TTN: variants seen among roughly 807,000 people sequenced by gnomAD.
TTN encodes the protein connectin.
A neutral mutation model predicts 3,223.0 loss-of-function variants in TTN; 1,525 were observed. That is an observed-to-expected ratio of 0.47 (90% confidence interval 0.45 to 0.49). The LOEUF is 0.49. TTN is among the 20% of genes least tolerant of loss of function. TTN has a pLI of 0.00. For synonymous variants in TTN, 14,094 were observed against 15,161.0 expected (o/e 0.93, Z 5.17); for missense variants, 40,786 against 43,424.0 (o/e 0.94, Z 5.40).
At chr2:178,543,686 A>G (rs572696546) in intron 346 of TTN, 24 bp from the exon 347 acceptor site, 23 of 1,550,610 alleles carry the variant, frequency 1.5e-5, no homozygotes, top group Non-Finnish European at 2.0e-5. Context: ...TGAAAGATTC[A>G]TATTTCCTAT....
chr2:178,542,952 A>G lies in TTN; in HGVS notation c.96905-3T>C, dbSNP rs1382853201. The stretch of plus-strand genomic sequence containing the variant: ...AGAAAGATCGATTGTTGGCAACACT[A>G]TGGGAAAGAAATCAGGCATTTATTC... On this transcript the variant is annotated splice_region_variant and splice_polypyrimidine_tract_variant and intron_variant, in intron 347 of 362. Transcript: ENST00000589042. The G allele has an allele frequency of 3.8e-6, 6 of 1,580,390 alleles. No individual in the cohort carries two copies. Among genetic ancestry groups the G allele is most frequent in the South Asian group, 1.2e-5 (1 of 85,948 alleles).
chr2:178,678,495 G>T lies in TTN; in HGVS notation c.33829C>A (p.Pro11277Thr). ...GGCACAGGCTTCTTGGGTACCTCTG[G>T]CACTTTAACGAAATGATTTAGAGAA... ...KKVEAPPAKVPEVPKKPVPEK... is the reference protein window; with the variant it reads ...KKVEAPPAKVTEVPKKPVPEK... The change falls in exon 144 of 363, where the codon CCA becomes ACA. Residue 11277 changes from proline to threonine, a missense_variant and splice_region_variant. Physicochemically the swap from Pro to Thr is conservative, Grantham distance 38. Transcript: ENST00000589042. The T allele has an allele frequency of 1.3e-6, 2 of 1,569,658 alleles. No homozygotes were observed. Among genetic ancestry groups the T allele is most frequent in the Non-Finnish European group, 1.7e-6 (2 of 1,162,178 alleles).
chr2:178,696,344 G>T, intron 113 of TTN, 75 bp from the exon 114 acceptor site: 3 of 1,162,232 alleles, frequency 2.6e-6, no homozygotes, highest in South Asian at 1.9e-5. Context: ...AATCTACCTA[G>T]TTAAACAACA....
In TTN at chr2:178,771,241, A is replaced by G; in HGVS notation, c.8086T>C (p.Ser2696Pro). The G allele has an allele frequency of 6.2e-7, 1 of 1,614,082 alleles. No homozygotes were observed. The highest frequency in any genetic ancestry group is 1.1e-5 in the South Asian group (1 of 91,088). Residue 2696 changes from serine (S) to proline (P), a missense_variant, in exon 34 of 363, where the codon TCC becomes CCC. By Grantham distance (74) the Ser-to-Pro change is moderately conservative (BLOSUM62 -1). Transcript: ENST00000589042. ...ACTTTGAGTTTGGCAGATGTTTTGGAGGTGGCCACCTTGTAGGTATATTCT... is the reference window on the plus strand; with the variant it reads ...ACTTTGAGTTTGGCAGATGTTTTGGGGGTGGCCACCTTGTAGGTATATTCT... ...IGEYTYKVAT[S>P]KTSAKLKVEA...
rs772179970 is a variant in TTN, at chr2:178,658,048, T to C, written c.37792+29A>G. On this transcript the variant is annotated intron_variant, in intron 186 of 362. Transcript: ENST00000589042. ...ACAGTAGGAGAGGAGATATCTCTTCTGCAGAATGAAGTCAGGGCTAAAGTG... is the reference window on the plus strand; with the variant it reads ...ACAGTAGGAGAGGAGATATCTCTTCCGCAGAATGAAGTCAGGGCTAAAGTG... 6 of 1,568,322 alleles carry C rather than the reference T, an allele frequency of 3.8e-6. No homozygotes were observed. In the East Asian group the frequency reaches 1.3e-4, roughly 35 times the overall value.
chr2:178,528,889 C>T lies in TTN; in HGVS notation c.106862G>A (p.Gly35621Asp). The stretch of plus-strand genomic sequence containing the variant: ...GTTGGCTTTTAAAACCAGTCTTTGA[C>T]CTTCGTTTATGCTCATCTGAGTAGA... ...AFSTQMSINEGQRLVLKANIA... is the reference protein window; with the variant it reads ...AFSTQMSINEDQRLVLKANIA... Residue 35621 changes from glycine (G) to aspartate (D), a missense_variant, in exon 360 of 363, where the codon GGT becomes GAT. Coordinates refer to ENST00000589042, the MANE Select transcript of TTN (RefSeq NM_001267550.2). 1 of 1,614,004 alleles carries T rather than the reference C, an allele frequency of 6.2e-7. No individual in the cohort carries two copies. Among genetic ancestry groups the T allele is most frequent in the Non-Finnish European group, 8.5e-7 (1 of 1,179,880 alleles).
Position 178,711,170 on chromosome 2 carries a change from C to T in TTN, c.28066G>A (p.Ala9356Thr), listed in dbSNP as rs2076600862. 3 of 1,613,808 alleles carry T rather than the reference C, an allele frequency of 1.9e-6. No homozygotes were observed. The highest frequency in any genetic ancestry group is 1.7e-5 in the Admixed American group (1 of 60,006). Residue 9356 changes from alanine to threonine, a missense_variant, in exon 97 of 363, where the codon GCC becomes ACC. Physicochemically the swap from Ala to Thr is moderately conservative, Grantham distance 58 (BLOSUM62 0). Coordinates refer to ENST00000589042, the MANE Select transcript of TTN (RefSeq NM_001267550.2). Reference sequence around the variant, plus strand: ...TCAGTTTTAAAAATATTGAGTGTGGCTGTATTGTCTAAAAATGATGTTTGT... The same window carrying T: ...TCAGTTTTAAAAATATTGAGTGTGGTTGTATTGTCTAAAAATGATGTTTGT... ...NVQTSFLDNT[A>T]TLNIFKTDRS...
At chr2:178,603,480 T>A (rs2053990633) in intron 282 of TTN, among the ~76,000 whole-genome samples, 1 of 151,946 alleles carries the variant, frequency 6.6e-6, no homozygotes, top group Non-Finnish European at 1.5e-5. Flanking sequence ...GCTAACAACA[T>A]TCTGTTTTTT....
chr2:178,678,786 C>T lies in TTN; in HGVS notation c.33787G>A (p.Val11263Ile). 6.2e-7 allele frequency: 1 copy of T among 1,605,200 alleles called. No individual in the cohort carries two copies. Among genetic ancestry groups the T allele is most frequent in the Non-Finnish European group, 8.5e-7 (1 of 1,176,934 alleles). Residue 11263 changes from valine (V) to isoleucine (I), a missense_variant, in exon 143 of 363, where the codon GTA (valine) becomes ATA (isoleucine). Val to Ile is a conservative substitution (Grantham distance 29, BLOSUM62 3). Transcript: ENST00000589042. ...KKPVPEEKVP[V>I]PVPKKVEAPP... ...GCTTCCACCTTTTTAGGAACTGGTACTGGTACTTTCTCCTCTGGCACAGGT... is the reference window on the plus strand; with the variant it reads ...GCTTCCACCTTTTTAGGAACTGGTATTGGTACTTTCTCCTCTGGCACAGGT...
chr2:178,681,037 G>A (rs542438587), intron 138 of TTN, 42 bp downstream of exon 138: 4 of 1,444,856 alleles, frequency 2.8e-6, no homozygotes, highest in East Asian at 2.3e-5. Flanking sequence ...TTTCAAAAGA[G>A]GCATCAGAAA....
rs1707475730 is a variant in TTN, at chr2:178,569,807, A to G, written c.76325T>C (p.Val25442Ala). ...DGGCEIQGYI[V>A]EKCDVSVGEW... ...ACCAACACTCACATCACATTTTTCAACAATGTATCCTTGAATTTCACAGCC... is the reference window on the plus strand; with the variant it reads ...ACCAACACTCACATCACATTTTTCAGCAATGTATCCTTGAATTTCACAGCC... Residue 25442 changes from valine to alanine, a missense_variant, in exon 326 of 363, where the codon GTT (valine) becomes GCT (alanine). Val to Ala is a moderately conservative substitution (Grantham distance 64). Transcript: ENST00000589042. 1.2e-6 allele frequency: 2 copies of G among 1,613,232 alleles called. No individual in the cohort carries two copies. Among genetic ancestry groups the G allele is most frequent in the Non-Finnish European group, 8.5e-7 (1 of 1,179,604 alleles).
chr2:178,800,473 C>T lies in TTN; in HGVS notation c.505G>A (p.Glu169Lys). 6.2e-7 allele frequency: 1 copy of T among 1,614,166 alleles called. No individual in the cohort carries two copies. The highest frequency in any genetic ancestry group is 8.5e-7 in the Non-Finnish European group (1 of 1,180,024). ...TTTACTGAATAGGTCCCTGAGTCCT[C>T]AGGGTATGCTTCTGCAATCAGTAAG... ...YSLLIAEAYP[E>K]DSGTYSVNAT... The change falls in exon 4 of 363, where the codon GAG (glutamate) becomes AAG (lysine). Residue 169 changes from glutamate (E) to lysine (K), a missense_variant. By Grantham distance (56) the Glu-to-Lys change is moderately conservative. Transcript: ENST00000589042.
Position 178,650,227 on chromosome 2 carries a change from G to C in TTN, c.39754C>G (p.Pro13252Ala), listed in dbSNP as rs765516524. The change falls in exon 210 of 363, where the codon CCT becomes GCT. Residue 13252 changes from proline (P) to alanine (A), a missense_variant. By Grantham distance (27) the Pro-to-Ala change is conservative. Coordinates refer to ENST00000589042, the MANE Select transcript of TTN (RefSeq NM_001267550.2). ...ACAGGAACTGGCTTTTCCTCTTCAG[G>C]AGCAATTTCCTCTTCAGGAGCAATT... is the stretch of plus-strand genomic sequence containing the variant. The part of the protein sequence containing the change: ...EEIAPEEEIA[P>A]EEEKPVPVAE... 5 of 1,556,296 alleles carry C rather than the reference G, an allele frequency of 3.2e-6. No homozygotes were observed. Among genetic ancestry groups the C allele is most frequent in the Non-Finnish European group, 4.3e-6 (5 of 1,149,916 alleles).
At chr2:178,751,257 T>C (rs746330462) in intron 47 of TTN, 3 of 1,608,306 alleles carry the variant, frequency 1.9e-6, no homozygotes, top group Non-Finnish European at 2.5e-6. Context: ...AATTTCTTTT[T>C]CTCCATTAAT....
Position 178,756,466 on chromosome 2 carries a change from A to G in TTN, c.11010T>C (p.Thr3670=). Residue 3670 remains threonine, a synonymous_variant, in exon 46 of 363, where the codon ACT becomes ACC. Coordinates refer to ENST00000589042, the MANE Select transcript of TTN (RefSeq NM_001267550.2). ...PKIFLHLQDV[T]VKCGDTAQFL... Reference sequence around the variant, plus strand: ...ATTGAGCCGTGTCACCGCACTTTACAGTGACGTCCTGAAGATGCAGGAAAA... The same window carrying G: ...ATTGAGCCGTGTCACCGCACTTTACGGTGACGTCCTGAAGATGCAGGAAAA... The G allele has an allele frequency of 6.2e-7, 1 of 1,613,818 alleles. No homozygotes were observed. Among genetic ancestry groups the G allele is most frequent in the East Asian group, 2.2e-5 (1 of 44,826 alleles).
rs753302897 is a variant in TTN, at chr2:178,584,445, G to C, written c.65106C>G (p.Asn21702Lys). 6.2e-7 allele frequency: 1 copy of C among 1,613,258 alleles called. No homozygotes were observed. The highest frequency in any genetic ancestry group is 1.1e-5 in the South Asian group (1 of 91,062). Residue 21702 changes from asparagine to lysine, a missense_variant, in exon 311 of 363, where the codon AAC (asparagine) becomes AAG (lysine). Physicochemically the swap from Asn to Lys is moderately conservative, Grantham distance 94. Coordinates refer to ENST00000589042, the MANE Select transcript of TTN (RefSeq NM_001267550.2). ...IGYLIERKER[N>K]SLLWVKANDT... ...CATTGGCTTTCACCCACAGCAAACT[G>C]TTTCTTTCCTTGCGTTCAATCAGAT...
chr2:178,747,580 C>CA, intron 47 of TTN: 1 of 1,613,248 alleles, frequency 6.2e-7, no homozygotes, highest in South Asian at 1.1e-5. Context: ...TTACTTCTTC[C>CA]ACCTCCATTG....
intron 60 of TTN, 52 bp from the exon 61 acceptor site, chr2:178,730,844 GTTTTT>G: frequency 6.6e-7 from 1 of 1,523,672 alleles, no homozygotes; most frequent in East Asian, 2.3e-5. Context: ...CTACTAATTT[GTTTTT>G]GTTTTTTTTT....
At chr2:178,717,405 T>G (rs1406534260) in intron 87 of TTN, 23 bp from the exon 88 acceptor site, 2 of 1,589,644 alleles carry the variant, frequency 1.3e-6, no homozygotes, top group Admixed American at 3.5e-5. Context: ...AAGACCAACA[T>G]GGTGATTTTT....
Sources: gnomAD v4.1 joint callset for allele counts (sites outside exome capture counted in the v4.1 genomes callset) on GRCh38, gnomAD v4.1.1 for gene constraint, MANE v1.5 for transcripts, NCBI Gene and HGNC (gene_info 2026-07-23, HGNC 2026-07-21) for gene names.